Variants in ADAMTS6 observed in about 807,000 individuals in gnomAD.
The protein encoded by ADAMTS6 is A disintegrin and metalloproteinase with thrombospondin motifs 6.
Under a neutral mutation model 144.3 loss-of-function variants are expected in ADAMTS6, and 23 were observed. The observed-to-expected ratio is 0.16, with a 90% CI of 0.11 to 0.23. The LOEUF (loss-of-function observed/expected upper bound fraction) is 0.23, where lower values mean the gene tolerates loss of function less well. ADAMTS6 is among the 10% of genes least tolerant of loss of function. The pLI is 1.00. For missense variants in ADAMTS6, 999 were observed against 1,379.6 expected (o/e 0.72, Z 4.37); for synonymous variants, 444 against 457.5 (o/e 0.97, Z 0.38).
At position 65,299,985 on chromosome 5, in the gene ADAMTS6, T is replaced by C; in HGVS notation, c.1370A>G (p.Asp457Gly). The C allele has an allele frequency of 1.3e-5, 21 of 1,612,960 alleles. No homozygotes were observed. The highest frequency in any genetic ancestry group is 1.7e-5 in the Non-Finnish European group (20 of 1,179,614). The change falls in exon 10 of 25, where the codon GAT becomes GGT. Residue 457 changes from aspartate to glycine, a missense_variant and splice_region_variant. Asp to Gly is a moderately conservative substitution (Grantham distance 94). Transcript: ENST00000381055. The part of the protein sequence containing the change: ...CSRDYITSFL[D>G]SGRGTCLDNE... ...TCATCACTCTCCAGAGATTACTTAC[T>C]CTAGAAAGCTGGTGATGTAGTCTCG... is the stretch of plus-strand genomic sequence containing the variant.
chr5:65,262,797 G>A lies in ADAMTS6; in HGVS notation c.1766+20C>T, dbSNP rs764646115. 1.9e-5 allele frequency: 28 copies of A among 1,481,220 alleles called. No individual in the cohort carries two copies. Among genetic ancestry groups the A allele is most frequent in the Admixed American group, 2.6e-5 (1 of 38,946 alleles). 91.8% of individuals were successfully genotyped at this position (1,481,220 alleles called of 1,614,324 possible). Reference sequence around the variant, plus strand: ...CCAACTGTGTCTTTTTGTTGGCTCCGGCTTACTTTAGCTACTTACGCTGGA... The same window carrying A: ...CCAACTGTGTCTTTTTGTTGGCTCCAGCTTACTTTAGCTACTTACGCTGGA... On this transcript the variant is annotated intron_variant, in intron 13 of 24. Coordinates refer to ENST00000381055, the MANE Select transcript of ADAMTS6 (RefSeq NM_197941.4).
rs139805861 is a variant in ADAMTS6 at position 65,465,252 on chromosome 5, T to C, written c.463-4914A>G. ...CTAAAACCTTCATATTCCCCTCCGA[T>C]AGACATTGCAAAACCTCCTACAAAT... On this transcript the variant is annotated intron_variant, in intron 3 of 24. Transcript: ENST00000381055. Among the ~76,000 whole-genome samples, 324 of 152,296 alleles carry C rather than the reference T, an allele frequency of 2.1e-3. 1 individual carries two copies. The highest frequency in any genetic ancestry group is 7.5e-3 in the African/African-American group (313 of 41,546).
At chr5:65,227,651 T>C (rs1757828301) in intron 15 of ADAMTS6, among the ~76,000 whole-genome samples, 1 of 152,182 alleles carries the variant, frequency 6.6e-6, no homozygotes, top group South Asian at 2.1e-4. Context: ...GAAAATCGAC[T>C]GGGTGGTAGA....
At chr5:65,293,959 C>G (rs1181051492) in intron 10 of ADAMTS6, among the ~76,000 whole-genome samples, 2 of 151,980 alleles carry the variant, frequency 1.3e-5, no homozygotes, top group Admixed American at 1.3e-4. Flanking sequence ...AAAAATGAAC[C>G]AGCATTTAGA....
chr5:65,180,700 G>C (rs1358671222), intron 22 of ADAMTS6, among the ~76,000 whole-genome samples: 1 of 140,038 alleles, frequency 7.1e-6, no homozygotes. Flanking sequence ...ACTGCATTTT[G>C]ATTTAAAAAA....
chr5:65,176,128 G>GT (rs1398855466), intron 22 of ADAMTS6, among the ~76,000 whole-genome samples: 1 of 151,910 alleles, frequency 6.6e-6, no homozygotes. Context: ...GGAAAAAAAG[G>GT]GGGGGGCAGA....
chr5:65,225,542 G>A (rs951956193), intron 16 of ADAMTS6, among the ~76,000 whole-genome samples: 2 of 152,122 alleles, frequency 1.3e-5, no homozygotes, highest in East Asian at 3.8e-4. Flanking sequence ...AAAATAGCAT[G>A]GATTTGCTCC....
rs533675989 is a variant in ADAMTS6 at position 65,437,333 on chromosome 5, A to T, written c.1073+14142T>A. ...ATGGTCTCGATATCCTGACCTCGTG[A>T]TCCACCTACCTCAGCCTCCCAAAGT... On this transcript the variant is annotated intron_variant, in intron 7 of 24. Coordinates refer to ENST00000381055, the MANE Select transcript of ADAMTS6 (RefSeq NM_197941.4). Among the ~76,000 whole-genome samples the T allele has an allele frequency of 1.3e-4, 20 of 152,220 alleles. No individual in the cohort carries two copies. In the East Asian group the frequency reaches 3.9e-3, roughly 29 times the overall value.
chr5:65,411,609 A>G (rs1184570820), intron 7 of ADAMTS6, among the ~76,000 whole-genome samples: 2 of 152,104 alleles, frequency 1.3e-5, no homozygotes, highest in African/African-American at 4.8e-5. Context: ...GTGACGTGGG[A>G]GTTTGATAGG....
chr5:65,305,326 G>A (rs542700800), intron 9 of ADAMTS6, among the ~76,000 whole-genome samples: 27 of 152,096 alleles, frequency 1.8e-4, no homozygotes, highest in Non-Finnish European at 3.8e-4. Context: ...TATTTTACGA[G>A]GATACATAGG....
At chr5:65,320,290 G>A (rs74855752) in intron 9 of ADAMTS6, among the ~76,000 whole-genome samples, 7,436 of 152,098 alleles carry the variant, frequency 0.049, 625 homozygotes, top group African/African-American at 0.17. Flanking sequence ...CAATAACAGC[G>A]TATCACAAAT....
rs188034189 is a variant in ADAMTS6, at chr5:65,304,711, G to T, written c.1224-4580C>A. On this transcript the variant is annotated intron_variant, in intron 9 of 24. Transcript: ENST00000381055. ...CTCCCAAAGTGCTGGAATTGCAGGC[G>T]TGAGCCCCCATATCTGGCCTATATG... 3.9e-5 allele frequency among the ~76,000 whole-genome samples: 6 copies of T among 152,132 alleles called. No individual in the cohort carries two copies. The East Asian group carries it at 1.2e-3, about 29-fold the overall frequency.
intron 7 of ADAMTS6, among the ~76,000 whole-genome samples, chr5:65,370,555 G>T (rs569887119): frequency 6.6e-6 from 1 of 152,126 alleles, no homozygotes; most frequent in Admixed American, 6.5e-5. Flanking sequence ...CCCAAATACC[G>T]CGCTTTTCCG....
intron 18 of ADAMTS6, among the ~76,000 whole-genome samples, chr5:65,219,150 T>A (rs1757132840): frequency 6.6e-6 from 1 of 152,126 alleles, no homozygotes. Context: ...GATAATTACA[T>A]TAAATATAAA....
intron 7 of ADAMTS6, among the ~76,000 whole-genome samples, chr5:65,368,062 C>CA (rs1222481096): frequency 6.6e-6 from 1 of 152,020 alleles, no homozygotes; most frequent in Non-Finnish European, 1.5e-5. Flanking sequence ...AGAAGATTTA[C>CA]AGGGCTATAT....
At chr5:65,224,293 G>A (rs745342906) in intron 18 of ADAMTS6, 27 bp downstream of exon 18, 18 of 1,594,500 alleles carry the variant, frequency 1.1e-5, no homozygotes, top group Non-Finnish European at 1.5e-5. Context: ...TTAAAATCCA[G>A]CAAACTAGCA....
intron 24 of ADAMTS6, among the ~76,000 whole-genome samples, chr5:65,160,894 C>T (rs1317846970): frequency 6.7e-6 from 1 of 148,274 alleles, no homozygotes; most frequent in Non-Finnish European, 1.5e-5. Flanking sequence ...TCATGTGATC[C>T]ACCCACCTCA....
In ADAMTS6 at chr5:65,407,355, T is replaced by A. The variant is rs539613260; in HGVS notation, c.1073+44120A>T. ...TTCAATGTTCTTTTTTTTTTTATTA[T>A]ACTTTAAGTTTTAGGGTACATGTGC... is the stretch of plus-strand genomic sequence containing the variant. On this transcript the variant is annotated intron_variant, in intron 7 of 24. Transcript: ENST00000381055. Among the ~76,000 whole-genome samples the A allele has an allele frequency of 2.9e-3, 439 of 151,184 alleles. 5 individuals are homozygous for A. Among genetic ancestry groups the A allele is most frequent in the African/African-American group, 0.01 (419 of 41,384 alleles).
chr5:65,213,156 T>C (rs1756653097), intron 20 of ADAMTS6, among the ~76,000 whole-genome samples: 2 of 152,244 alleles, frequency 1.3e-5, no homozygotes, highest in Non-Finnish European at 2.9e-5. Context: ...ATTTTACACA[T>C]AAAATGGATG....
Sources: gnomAD v4.1 joint callset for allele counts (sites outside exome capture counted in the v4.1 genomes callset) on GRCh38, gnomAD v4.1.1 for gene constraint, MANE v1.5 for transcripts, NCBI Gene and HGNC (gene_info 2026-07-23, HGNC 2026-07-21) for gene names.